Variants in CABLES1 observed in about 807,000 individuals in gnomAD.
The protein encoded by CABLES1 is CDK5 and ABL1 enzyme substrate 1.
Under a neutral mutation model 57.8 loss-of-function variants are expected in CABLES1, and 36 were observed. The ratio of observed to expected loss-of-function variants is 0.62; its 90% CI spans 0.48 to 0.82. The LOEUF (loss-of-function observed/expected upper bound fraction) is 0.82, where lower values mean the gene tolerates loss of function less well. CABLES1 is among the 40% of genes least tolerant of loss of function. The probability of loss-of-function intolerance (pLI) is 0.00; values close to 1 mark genes in which losing one functional copy is unlikely to be tolerated. For missense variants in CABLES1, 767 were observed against 836.6 expected (o/e 0.92, Z 1.03); for synonymous variants, 374 against 363.0 (o/e 1.03, Z -0.35).
At chr18:23,189,091 G>A (rs573376579) in intron 2 of CABLES1, 182 bp downstream of exon 2, 14 of 541,812 alleles carry the variant, frequency 2.6e-5, no homozygotes, top group African/African-American at 7.7e-5. Flanking sequence ...ACTAAACAAC[G>A]TTAAATCCAA....
chr18:23,196,327 C>T (rs572893590), intron 3 of CABLES1, among the ~76,000 whole-genome samples: 2 of 152,118 alleles, frequency 1.3e-5, no homozygotes, highest in Admixed American at 6.5e-5. Context: ...GCTGAGGCCA[C>T]GGCGGGTCGT....
intron 1 of CABLES1, among the ~76,000 whole-genome samples, chr18:23,139,914 C>T (rs2046847037): frequency 6.6e-6 from 1 of 152,226 alleles, no homozygotes; most frequent in African/African-American, 2.4e-5. Flanking sequence ...TCCCGTCGTA[C>T]TGGTATAATT....
chr18:23,158,138 A>C (rs77016007), intron 1 of CABLES1, among the ~76,000 whole-genome samples: 1 of 133,628 alleles, frequency 7.5e-6, no homozygotes, highest in Non-Finnish European at 1.6e-5. Context: ...AAAAAAAAAA[A>C]CAAACCCACA....
rs151326134 is a variant in CABLES1, at chr18:23,215,124, G to C, written c.1088+1070G>C. Among the ~76,000 whole-genome samples the C allele has an allele frequency of 2.2e-3, 341 of 152,272 alleles. 2 individuals are homozygous for C. The highest frequency in any genetic ancestry group is 8.0e-3 in the African/African-American group (334 of 41,552). On this transcript the variant is annotated intron_variant, in intron 4 of 9. Transcript: ENST00000256925. ...TTTGTTAGGCACACACTTTGAGCTC[G>C]TCTTTTTCATTATTTACATCCTTAC...
At chr18:23,185,119 G>A (rs2047193468) in intron 1 of CABLES1, among the ~76,000 whole-genome samples, 1 of 152,214 alleles carries the variant, frequency 6.6e-6, no homozygotes, top group African/African-American at 2.4e-5. Context: ...GTAAAGAAAG[G>A]TATATTCTCA....
At chr18:23,235,613 A>G (rs1006937706) in intron 5 of CABLES1, among the ~76,000 whole-genome samples, 1 of 152,234 alleles carries the variant, frequency 6.6e-6, no homozygotes, top group Non-Finnish European at 1.5e-5. Flanking sequence ...AGGTCCTGAG[A>G]TAGTACCTTA....
intron 1 of CABLES1, among the ~76,000 whole-genome samples, chr18:23,158,480 C>A (rs2046980184): frequency 1.3e-5 from 2 of 152,134 alleles, no homozygotes; most frequent in Non-Finnish European, 2.9e-5. Flanking sequence ...TCAGTGATGA[C>A]CCCAAATAAA....
At chr18:23,212,195 G>C (rs1373471122) in intron 3 of CABLES1, among the ~76,000 whole-genome samples, 1 of 152,216 alleles carries the variant, frequency 6.6e-6, no homozygotes, top group African/African-American at 2.4e-5. Flanking sequence ...GGACTAGGCT[G>C]GAAAACCTGA....
At chr18:23,160,039 CTT>C (rs869231402) in intron 1 of CABLES1, among the ~76,000 whole-genome samples, 25 of 140,816 alleles carry the variant, frequency 1.8e-4, no homozygotes, top group Admixed American at 2.9e-4. Flanking sequence ...CAAGCAAGAA[CTT>C]TTTTTTTTTT....
At chr18:23,197,261 T>G (rs866491512) in intron 3 of CABLES1, 2 of 152,212 alleles carry the variant, frequency 1.3e-5, no homozygotes, top group Non-Finnish European at 2.9e-5. Context: ...GAAATAAACC[T>G]TGGGGCCTGA....
Position 23,183,351 on chromosome 18 carries a change from T to C in CABLES1, c.846-5487T>C, listed in dbSNP as rs187099252. Among the ~76,000 whole-genome samples the C allele has an allele frequency of 1.6e-4, 25 of 152,326 alleles. No individual in the cohort carries two copies. In the East Asian group the frequency reaches 4.8e-3, roughly 29 times the overall value. ...TGACCAGCCCTGCGTCCCGGGAGTA[T>C]ACAGTGATTTGCACCCACGGAGGAA... On this transcript the variant is annotated intron_variant, in intron 1 of 9. Transcript: ENST00000256925.
intron 1 of CABLES1, among the ~76,000 whole-genome samples, chr18:23,142,025 C>T (rs916784450): frequency 4.7e-4 from 71 of 152,160 alleles, no homozygotes; most frequent in African/African-American, 1.6e-3. Flanking sequence ...TCTTAGTTTC[C>T]TTATGGAACT....
intron 3 of CABLES1, among the ~76,000 whole-genome samples, chr18:23,200,941 T>C (rs73402677): frequency 0.012 from 1,887 of 152,284 alleles, 48 homozygotes; most frequent in African/African-American, 0.044. Context: ...GCCAGCGTTA[T>C]CTCCTGCAGC....
chr18:23,193,813 A>T (rs1001574323), intron 2 of CABLES1, among the ~76,000 whole-genome samples: 5 of 152,138 alleles, frequency 3.3e-5, no homozygotes, highest in South Asian at 2.1e-4. Context: ...TAAAAATTTT[A>T]AAAAAACTTG....
At chr18:23,143,290 C>A (rs2046868906) in intron 1 of CABLES1, among the ~76,000 whole-genome samples, 1 of 152,164 alleles carries the variant, frequency 6.6e-6, no homozygotes, top group Non-Finnish European at 1.5e-5. Context: ...TGCTTCCTCT[C>A]TTCTTGGCCA....
At chr18:23,139,397 C>A (rs1182738037) in intron 1 of CABLES1, among the ~76,000 whole-genome samples, 2 of 103,870 alleles carry the variant, frequency 1.9e-5, no homozygotes, top group Admixed American at 1.9e-4. Context: ...GAGTGAAACT[C>A]CATCTCAAAA....
At chr18:23,154,521 C>T (rs1158529937) in intron 1 of CABLES1, among the ~76,000 whole-genome samples, 1 of 152,150 alleles carries the variant, frequency 6.6e-6, no homozygotes, top group African/African-American at 2.4e-5. Context: ...TCGGGTGCCT[C>T]GTAGTGTGAC....
intron 2 of CABLES1, among the ~76,000 whole-genome samples, chr18:23,192,513 G>A (rs982077321): frequency 6.6e-6 from 1 of 152,170 alleles, no homozygotes; most frequent in African/African-American, 2.4e-5. Context: ...GTGGGAGGAA[G>A]GAGCCAGAGT....
At chr18:23,180,623 C>T (rs552541808) in intron 1 of CABLES1, among the ~76,000 whole-genome samples, 36 of 152,288 alleles carry the variant, frequency 2.4e-4, no homozygotes, top group Admixed American at 2.2e-3. Flanking sequence ...TTCAAGCGTG[C>T]CTCAGCCTCC....
Sources: allele counts gnomAD v4.1 joint callset (sites outside exome capture counted in the v4.1 genomes callset), GRCh38; gene constraint gnomAD v4.1.1; transcripts MANE v1.5; gene names NCBI Gene and HGNC (gene_info 2026-07-23, HGNC 2026-07-21).